The following PLCB3 variants were observed in gnomAD, a reference collection of about 807,000 sequenced individuals.
PLCB3 encodes phospholipase C beta 3.
In PLCB3, 54 loss-of-function variants were observed where a neutral mutation model predicts 152.1. That is an observed-to-expected ratio of 0.36 (90% CI 0.29 to 0.45). PLCB3 has a LOEUF of 0.45. Among genes scored for constraint, PLCB3 ranks in the 20% least tolerant of loss-of-function variants. The pLI is 1.00. For synonymous variants in PLCB3, 717 were observed against 698.7 expected, an observed-to-expected ratio of 1.03 and a Z score of -0.41; for missense variants, 1,248 against 1,687.5, an observed-to-expected ratio of 0.74 and a Z score of 4.56.
In PLCB3 at chr11:64,265,966, TGCAGAG is replaced by T. The variant is rs2032097780; in HGVS notation, c.3117_3122del (p.Gln1040_Ser1041del). 6.2e-7 allele frequency: 1 copy of T among 1,613,790 alleles called. No individual in the cohort carries two copies. Among genetic ancestry groups the T allele is most frequent in the Non-Finnish European group, 8.5e-7 (1 of 1,179,944 alleles). On this transcript the variant is annotated inframe_deletion, in exon 26 of 31. Transcript: ENST00000279230. Reference sequence around the variant, plus strand: ...TATCAGGAGTTCCAGAACAGACAGGTGCAGAGCCTGCTGGAGCTGCGGGAGGCCCAG... The same window carrying T: ...TATCAGGAGTTCCAGAACAGACAGGTCCTGCTGGAGCTGCGGGAGGCCCAG...
At position 64,265,326 on chromosome 11, in the gene PLCB3, G is replaced by A. The variant is rs376237126; in HGVS notation, c.2859G>A (p.Pro953=). The change falls in exon 25 of 31, where the codon CCG becomes CCA. Residue 953 remains proline, a synonymous_variant. Transcript: ENST00000279230. ...CGCTCCCAGAGGTGGCCCCCACCCC[G>A]CTGGATGAGCTCCGAGGTCACAAGG... ...ASILSEVAPT[P]LDELRGHKAL... 349 of 1,549,766 alleles carry A rather than the reference G, an allele frequency of 2.3e-4. 4 individuals carry two copies. The African/African-American group carries it at 4.2e-3, about 19-fold the overall frequency.
At chr11:64,262,899 C>T (rs1433341679) in intron 19 of PLCB3, 91 bp downstream of exon 19, 18 of 1,345,818 alleles carry the variant, frequency 1.3e-5, no homozygotes, top group African/African-American at 7.2e-5. Context: ...CCAGGCACAC[C>T]GTTGGCGACT....
At position 64,266,204 on chromosome 11, in the gene PLCB3, T is replaced by C. The variant is rs1410694149; in HGVS notation, c.3266+2T>C. On this transcript the variant is annotated splice_donor_variant, in intron 27 of 30. Coordinates refer to ENST00000279230, the MANE Select transcript of PLCB3 (RefSeq NM_000932.5). LOFTEE classifies it high-confidence loss of function. The surrounding 1 kb of genome is among the most constrained non-coding windows in gnomAD (Gnocchi z 4.9). ...GAGGCTGAAAGAGATGAACGAGAGG[T>C]GAAAGCCGAGGATTGTCTATGGGAA... 1 of 1,613,530 alleles carries C rather than the reference T, an allele frequency of 6.2e-7. No homozygotes were observed. The highest frequency in any genetic ancestry group is 8.5e-7 in the Non-Finnish European group (1 of 1,179,898).
chr11:64,265,954 A>G lies in PLCB3; in HGVS notation c.3104A>G (p.Gln1035Arg), dbSNP rs1203774867. Residue 1035 changes from glutamine (Q) to arginine (R), a missense_variant, in exon 26 of 31, where the codon CAG becomes CGG. Coordinates refer to ENST00000279230, the MANE Select transcript of PLCB3 (RefSeq NM_000932.5). Reference sequence around the variant, plus strand: ...GAGGCAAAGCGGTATCAGGAGTTCCAGAACAGACAGGTGCAGAGCCTGCTG... The same window carrying G: ...GAGGCAAAGCGGTATCAGGAGTTCCGGAACAGACAGGTGCAGAGCCTGCTG... The part of the protein sequence containing the change: ...EDEAKRYQEF[Q>R]NRQVQSLLEL... The G allele has an allele frequency of 1.2e-6, 2 of 1,613,960 alleles. No individual in the cohort carries two copies. Among genetic ancestry groups the G allele is most frequent in the Non-Finnish European group, 1.7e-6 (2 of 1,180,014 alleles).
At position 64,265,965 on chromosome 11, in the gene PLCB3, G is replaced by C. The variant is rs775148939; in HGVS notation, c.3115G>C (p.Val1039Leu). ...KRYQEFQNRQVQSLLELREAQ... is the reference protein window; with the variant it reads ...KRYQEFQNRQLQSLLELREAQ... Reference sequence around the variant, plus strand: ...GTATCAGGAGTTCCAGAACAGACAGGTGCAGAGCCTGCTGGAGCTGCGGGA... The same window carrying C: ...GTATCAGGAGTTCCAGAACAGACAGCTGCAGAGCCTGCTGGAGCTGCGGGA... Residue 1039 changes from valine (V) to leucine (L), a missense_variant, in exon 26 of 31, where the codon GTG becomes CTG. By Grantham distance (32) the Val-to-Leu change is conservative. This residue lies in a region of PLCB3 where 477 missense variants were observed against 489.6 expected (regional missense o/e 0.97). Coordinates refer to ENST00000279230, the MANE Select transcript of PLCB3 (RefSeq NM_000932.5). 6.2e-7 allele frequency: 1 copy of C among 1,614,044 alleles called. No homozygotes were observed. The highest frequency in any genetic ancestry group is 8.5e-7 in the Non-Finnish European group (1 of 1,180,020).
At chr11:64,262,595 C>A in intron 18 of PLCB3, 34 bp downstream of exon 18, 1 of 1,612,534 alleles carries the variant, frequency 6.2e-7, no homozygotes, top group Non-Finnish European at 8.5e-7. Flanking sequence ...CCAGGGGTGT[C>A]CTGGGGGCAG....
chr11:64,257,246 C>T (rs1478887701), intron 10 of PLCB3, among the ~76,000 whole-genome samples: 4 of 152,106 alleles, frequency 2.6e-5, no homozygotes, highest in Non-Finnish European at 2.9e-5. Flanking sequence ...TCAGGTGATC[C>T]GCCTGCCTCG....
At chr11:64,260,304 A>G in intron 14 of PLCB3, 70 bp downstream of exon 14, 1 of 1,140,366 alleles carries the variant, frequency 8.8e-7, no homozygotes, top group South Asian at 1.4e-5. Context: ...GGGTCTGACC[A>G]TCAACAAGAC....
downstream of PLCB3, chr11:64,269,255 C>T (rs377643824): frequency 1.3e-5 from 2 of 152,502 alleles, no homozygotes; most frequent in African/African-American, 4.8e-5. Flanking sequence ...GCTGCCTCCT[C>T]CCTGAAGCCC....
Position 64,261,647 on chromosome 11 carries a change from G to A in PLCB3, c.1895G>A (p.Ser632Asn), listed in dbSNP as rs780995372. 6.2e-7 allele frequency: 1 copy of A among 1,613,938 alleles called. No individual in the cohort carries two copies. Among genetic ancestry groups the A allele is most frequent in the South Asian group, 1.1e-5 (1 of 91,078 alleles). The change falls in exon 16 of 31, where the codon AGC (serine) becomes AAC (asparagine). Residue 632 changes from serine to asparagine, a missense_variant. Ser to Asn is a conservative substitution (Grantham distance 46). Coordinates refer to ENST00000279230, the MANE Select transcript of PLCB3 (RefSeq NM_000932.5). ...AAGGCCATGGAGCAACTGACCAAGA[G>A]CCCCATGGAGTTTGTGGAGTATCCT... ...ETKAMEQLTK[S>N]PMEFVEYNKQ...
chr11:64,251,552 T>C lies in PLCB3; in HGVS notation c.-98T>C. 1 of 387,752 alleles carries C rather than the reference T, an allele frequency of 2.6e-6. No individual in the cohort carries two copies. Among genetic ancestry groups the C allele is most frequent in the African/African-American group, 2.2e-5 (1 of 46,242 alleles). The allele number at this position is 387,752 out of a possible 1,614,324, so 24.0% of individuals were successfully genotyped here. A position where few individuals can be genotyped will look rare whatever the true frequency, so the allele number is the denominator to read the frequency against. On this transcript the variant is annotated 5_prime_UTR_variant, in exon 1 of 31. Transcript: ENST00000279230. The stretch of plus-strand genomic sequence containing the variant: ...GACAGACTGGCGGGCGGGCGGGCAC[T>C]GACGCCGCGGGGCCGGAGCGGGCCG...
Position 64,267,488 on chromosome 11 carries a change from G to C in PLCB3, c.3637G>C (p.Ala1213Pro). The change falls in exon 31 of 31, where the codon GCA becomes CCA. Residue 1213 changes from alanine (A) to proline (P), a missense_variant. By Grantham distance (27) the Ala-to-Pro change is conservative (BLOSUM62 -1). Transcript: ENST00000279230. This position sits in a 1 kb window ranked among gnomAD's most constrained non-coding sequence, Gnocchi z 5.2. ...GGTGGCCTGTGCCAGCAACGGTCAC[G>C]CACCCGGGAGCAGCGGGCACCTGTC... is the stretch of plus-strand genomic sequence containing the variant. ...PLVACASNGH[A>P]PGSSGHLSGA... 1.3e-6 allele frequency: 2 copies of C among 1,567,608 alleles called. No individual in the cohort carries two copies. The highest frequency in any genetic ancestry group is 1.7e-6 in the Non-Finnish European group (2 of 1,160,944).
intron 22 of PLCB3, among the ~76,000 whole-genome samples, chr11:64,264,676 G>A (rs2032022030): frequency 6.6e-6 from 1 of 152,162 alleles, no homozygotes; most frequent in Non-Finnish European, 1.5e-5. Context: ...CTTGGGGCTG[G>A]GCCAGGCCTT....
At chr11:64,256,997 C>CTTTTTTTTTTTTTTTTTTTTTTTTTTT (rs5792316) in intron 10 of PLCB3, among the ~76,000 whole-genome samples, 6 of 61,584 alleles carry the variant, frequency 9.7e-5, no homozygotes, top group African/African-American at 1.3e-4. Context: ...CTTCAGGGTC[C>CTTTTTTTTTTTTTTTTTTTTTTTTTTT]TTTTTTTTTT....
In PLCB3 at chr11:64,258,247, T is replaced by C. The variant is rs2031645149; in HGVS notation, c.1013-226T>C. Among the ~76,000 whole-genome samples, 1 of 144,556 alleles carries C rather than the reference T, an allele frequency of 6.9e-6. No individual in the cohort carries two copies. The highest frequency in any genetic ancestry group is 1.5e-5 in the Non-Finnish European group (1 of 65,888). The allele number at this position is 144,556 out of a possible 152,430, so 94.8% of individuals were successfully genotyped here. A position where few individuals can be genotyped will look rare whatever the true frequency, so the allele number is the denominator to read the frequency against. ...TGAGCTGTGCCAGGGCTGAGGTGGGTGGAGGGAGTGAGGAGAGGGAGGGAT... is the reference window on the plus strand; with the variant it reads ...TGAGCTGTGCCAGGGCTGAGGTGGGCGGAGGGAGTGAGGAGAGGGAGGGAT... On this transcript the variant is annotated intron_variant, in intron 10 of 30. Coordinates refer to ENST00000279230, the MANE Select transcript of PLCB3 (RefSeq NM_000932.5). The surrounding 1 kb of genome is among the most constrained non-coding windows in gnomAD (Gnocchi z 7.2).
chr11:64,261,559 C>T, intron 15 of PLCB3, 22 bp from the exon 16 acceptor site: 3 of 1,613,586 alleles, frequency 1.9e-6, no homozygotes, highest in Non-Finnish European at 2.5e-6. Context: ...GGTCTGACGC[C>T]CTTTCTTGGC....
chr11:64,261,764 T>TGGCCCTCCGGC lies in PLCB3; in HGVS notation c.1913+108_1913+118dup, dbSNP rs1235812939. 6.6e-5 allele frequency: 93 copies of TGGCCCTCCGGC among 1,414,838 alleles called. No homozygotes were observed. The Middle Eastern group carries it at 3.0e-3, about 46-fold the overall frequency. The allele number at this position is 1,414,838 out of a possible 1,614,324, so 87.6% of individuals were successfully genotyped here. On this transcript the variant is annotated intron_variant, in intron 16 of 30. Transcript: ENST00000279230. ...CACATATGCCACCTGCACAGGGTGC[T>TGGCCCTCCGGC]GGCCCTCCGGCGGCCCTCCTGCACC...
At chr11:64,256,180 T>G (rs554071309) in intron 8 of PLCB3, among the ~76,000 whole-genome samples, 196 bp from the exon 9 acceptor site, 2 of 152,140 alleles carry the variant, frequency 1.3e-5, no homozygotes, top group South Asian at 2.1e-4. Context: ...TCTGCTGCCT[T>G]GACAATCCTG....
Position 64,255,270 on chromosome 11 carries a change from A to G in PLCB3, c.424A>G (p.Ile142Val), listed in dbSNP as rs2031458285. 1.2e-6 allele frequency: 2 copies of G among 1,613,676 alleles called. No individual in the cohort carries two copies. Among genetic ancestry groups the G allele is most frequent in the Non-Finnish European group, 1.7e-6 (2 of 1,179,980 alleles). The change falls in exon 5 of 31, where the codon ATC becomes GTC. Residue 142 changes from isoleucine (I) to valine (V), a missense_variant. Around this residue, in one of 6 missense-constraint regions of PLCB3, gnomAD observed 299 missense variants for 434.7 expected, o/e 0.69. Coordinates refer to ENST00000279230, the MANE Select transcript of PLCB3 (RefSeq NM_000932.5). The surrounding 1 kb of genome is among the most constrained non-coding windows in gnomAD (Gnocchi z 6.8). ...SEELFKLAMN[I>V]LAQNASRNTF... ...GGAGCTATTCAAGCTGGCTATGAAC[A>G]TCCTGGCTCAGAACGCCTCCCGGAA...
Sources: allele counts gnomAD v4.1 joint callset (sites outside exome capture counted in the v4.1 genomes callset), GRCh38; gene constraint gnomAD v4.1.1; regional missense constraint gnomAD v4.1.1; non-coding constraint Gnocchi (gnomAD v3.1); transcripts MANE v1.5; gene names NCBI Gene and HGNC (gene_info 2026-07-23, HGNC 2026-07-21).